Variants in ZNF804B observed in about 807,000 individuals in gnomAD.
ZNF804B encodes zinc finger protein 804B, also known as zinc finger 804B.
In ZNF804B, 80 loss-of-function variants were observed where a neutral mutation model predicts 101.4. That is an observed-to-expected ratio of 0.79 (90% CI 0.66 to 0.95). ZNF804B has a LOEUF of 0.95. Among genes scored for constraint, ZNF804B ranks in the 40% least tolerant of loss-of-function variants. ZNF804B has a pLI of 0.00. For synonymous variants in ZNF804B, 622 were observed against 558.8 expected (o/e 1.11, Z -1.59); for missense variants, 1,673 against 1,561.9 (o/e 1.07, Z -1.20).
chr7:88,907,480 A>C (rs1792490610), intron 1 of ZNF804B, among the ~76,000 whole-genome samples: 1 of 152,056 alleles, frequency 6.6e-6, no homozygotes, highest in African/African-American at 2.4e-5. Flanking sequence ...GCTACTAAGG[A>C]GAACAACAGA....
In ZNF804B at chr7:89,334,917, T is replaced by A; in HGVS notation, c.1935T>A (p.His645Gln). Reference protein sequence around the residue: ...KKHKLIPCSPHLEFEDERQFN... With the variant: ...KKHKLIPCSPQLEFEDERQFN... Reference sequence around the variant, plus strand: ...ATAAATTGATTCCCTGCAGTCCTCATTTGGAATTTGAAGATGAAAGACAAT... The same window carrying A: ...ATAAATTGATTCCCTGCAGTCCTCAATTGGAATTTGAAGATGAAAGACAAT... Residue 645 changes from histidine (H) to glutamine (Q), a missense_variant, in exon 4 of 4, where the codon CAT becomes CAA. His to Gln is a conservative substitution (Grantham distance 24, BLOSUM62 0). Transcript: ENST00000333190. The A allele has an allele frequency of 1.9e-6, 3 of 1,613,850 alleles. No homozygotes were observed. Among genetic ancestry groups the A allele is most frequent in the Non-Finnish European group, 2.5e-6 (3 of 1,179,886 alleles).
At chr7:88,820,685 A>C (rs1303051946) in intron 1 of ZNF804B, among the ~76,000 whole-genome samples, 1 of 152,214 alleles carries the variant, frequency 6.6e-6, no homozygotes, top group South Asian at 2.1e-4. Context: ...CTTCTAAAGC[A>C]GCACTGCAAG....
chr7:89,327,519 C>G, intron 3 of ZNF804B, 45 bp downstream of exon 3: 1 of 1,581,456 alleles, frequency 6.3e-7, no homozygotes, highest in Non-Finnish European at 8.6e-7. Context: ...TCTCGTCAAC[C>G]TATGGGGAAA....
intron 1 of ZNF804B, among the ~76,000 whole-genome samples, chr7:88,760,892 T>C (rs964995507): frequency 8.0e-5 from 8 of 100,532 alleles, no homozygotes; most frequent in Admixed American, 7.8e-4. Context: ...TTTATATATA[T>C]ATATAATAAA....
At position 89,202,614 on chromosome 7, in the gene ZNF804B, A is replaced by G. The variant is rs949775439; in HGVS notation, c.109-15541A>G. Among the ~76,000 whole-genome samples the G allele has an allele frequency of 9.2e-5, 14 of 152,166 alleles. No homozygotes were observed. In the South Asian group the frequency reaches 1.0e-3, roughly 11 times the overall value. ...TTTTAAAGATTCCAGAGATCCATGT[A>G]TATGTCTTGAGTTTTAGAGACACAA... On this transcript the variant is annotated intron_variant, in intron 1 of 3. Coordinates refer to ENST00000333190, the MANE Select transcript of ZNF804B (RefSeq NM_181646.5).
At chr7:88,799,762 G>T (rs1374981640) in intron 1 of ZNF804B, among the ~76,000 whole-genome samples, 3 of 152,072 alleles carry the variant, frequency 2.0e-5, no homozygotes, top group Non-Finnish European at 4.4e-5. Flanking sequence ...ATGAATCTGA[G>T]ATGTTCTTGA....
intron 1 of ZNF804B, among the ~76,000 whole-genome samples, chr7:89,014,298 T>C (rs1450953722): frequency 6.6e-6 from 1 of 152,050 alleles, no homozygotes. Flanking sequence ...TCCCTGATGA[T>C]TAGTGATTGA....
intron 2 of ZNF804B, among the ~76,000 whole-genome samples, chr7:89,255,789 T>TA (rs1789622294): frequency 6.6e-6 from 1 of 152,050 alleles, no homozygotes; most frequent in South Asian, 2.1e-4. Flanking sequence ...TAATAATCTG[T>TA]AAAAAAGTGT....
At chr7:88,814,681 C>T (rs1790847878) in intron 1 of ZNF804B, among the ~76,000 whole-genome samples, 1 of 151,994 alleles carries the variant, frequency 6.6e-6, no homozygotes, top group South Asian at 2.1e-4. Context: ...AGACAATTTT[C>T]TAATTTAAAA....
intron 1 of ZNF804B, among the ~76,000 whole-genome samples, chr7:89,210,798 A>G (rs1389678459): frequency 2.6e-5 from 4 of 152,228 alleles, no homozygotes; most frequent in Non-Finnish European, 2.9e-5. Flanking sequence ...TAGTGCTGCA[A>G]TGAACATGGT....
chr7:88,898,664 C>T (rs1792344960), intron 1 of ZNF804B, among the ~76,000 whole-genome samples: 1 of 152,160 alleles, frequency 6.6e-6, no homozygotes, highest in Admixed American at 6.5e-5. Flanking sequence ...TCTTTACCTT[C>T]CCCTTGATAT....
intron 1 of ZNF804B, among the ~76,000 whole-genome samples, chr7:88,796,329 G>C (rs776861670): frequency 1.3e-5 from 2 of 151,992 alleles, no homozygotes; most frequent in Non-Finnish European, 2.9e-5. Flanking sequence ...AATTATCCAA[G>C]TAAATGAAGG....
chr7:88,966,042 A>T (rs1397343291), intron 1 of ZNF804B, among the ~76,000 whole-genome samples: 1 of 151,442 alleles, frequency 6.6e-6, no homozygotes, highest in Admixed American at 6.6e-5. Context: ...TCTATTATAT[A>T]TCTAATTCAT....
chr7:89,227,550 A>G (rs1789113886), intron 2 of ZNF804B, among the ~76,000 whole-genome samples: 1 of 152,242 alleles, frequency 6.6e-6, no homozygotes, highest in African/African-American at 2.4e-5. Flanking sequence ...GATGTTCTAC[A>G]TGCTATGGAG....
intron 1 of ZNF804B, among the ~76,000 whole-genome samples, chr7:88,927,976 C>G (rs1053962507): frequency 3.3e-5 from 5 of 152,036 alleles, no homozygotes; most frequent in Non-Finnish European, 7.4e-5. Flanking sequence ...AGTCTATCCC[C>G]AATATCTCCT....
chr7:89,274,152 ATTTTCT>A (rs1789940713), intron 2 of ZNF804B, among the ~76,000 whole-genome samples: 1 of 132,788 alleles, frequency 7.5e-6, no homozygotes, highest in African/African-American at 2.7e-5. Flanking sequence ...ATTTTATTTT[ATTTTCT>A]TTTTCTTTTT....
chr7:88,760,002 C>G lies in ZNF804B; in HGVS notation c.26C>G (p.Ser9Trp), dbSNP rs749165456. 2.5e-6 allele frequency: 4 copies of G among 1,614,194 alleles called. No individual in the cohort carries two copies. Among genetic ancestry groups the G allele is most frequent in the South Asian group, 1.1e-5 (1 of 91,084 alleles). MACYLVIS[S>W]RHLSNGHYRG... ...ATGGCTTGTTACCTGGTCATCAGTT[C>G]GAGACATCTCAGCAATGGGCACTAC... Residue 9 changes from serine to tryptophan, a missense_variant, in exon 1 of 4, where the codon TCG (serine) becomes TGG (tryptophan). Coordinates refer to ENST00000333190, the MANE Select transcript of ZNF804B (RefSeq NM_181646.5).
At chr7:89,139,585 T>A (rs938606417) in intron 1 of ZNF804B, among the ~76,000 whole-genome samples, 2 of 152,048 alleles carry the variant, frequency 1.3e-5, no homozygotes, top group African/African-American at 4.8e-5. Flanking sequence ...GTTCACAGCA[T>A]CTTCACCAGG....
At chr7:89,103,048 G>GTTTTTTTTTTTTTTTTTT (rs56693128) in intron 1 of ZNF804B, among the ~76,000 whole-genome samples, 2 of 33,726 alleles carry the variant, frequency 5.9e-5, no homozygotes, top group African/African-American at 2.1e-4. Context: ...CTATGTGTCT[G>GTTTTTTTTTTTTTTTTTT]TTTTTTTTTT....
Sources: allele counts gnomAD v4.1 joint callset (sites outside exome capture counted in the v4.1 genomes callset), GRCh38; gene constraint gnomAD v4.1.1; transcripts MANE v1.5; gene names NCBI Gene and HGNC (gene_info 2026-07-23, HGNC 2026-07-21).